CGGBP1: variants seen among roughly 807,000 people sequenced by gnomAD.
The protein encoded by CGGBP1 is CGG triplet repeat binding protein 1, also known as CGG triplet repeat-binding protein 1.
In CGGBP1, 4 loss-of-function variants were observed where a neutral mutation model predicts 11.4. The ratio of observed to expected loss-of-function variants is 0.35; its 90% CI spans 0.17 to 0.80. CGGBP1 has a LOEUF of 0.80. CGGBP1 is among the 30% of genes least tolerant of loss of function. The pLI, the probability that CGGBP1 is intolerant of heterozygous loss-of-function variation, is 0.52. For missense variants in CGGBP1, 135 were observed against 202.1 expected, an observed-to-expected ratio of 0.67 and a Z score of 2.01; for synonymous variants, 76 against 74.1, an observed-to-expected ratio of 1.03 and a Z score of -0.13.
intron 2 of CGGBP1, among the ~76,000 whole-genome samples, chr3:88,102,259 T>C (rs1258806789): frequency 6.6e-5 from 10 of 152,158 alleles, no homozygotes; most frequent in Admixed American, 4.6e-4. Context: ...CTCAAAAAAC[T>C]TTTTAGAAAC....
intron 2 of CGGBP1, among the ~76,000 whole-genome samples, chr3:88,067,223 G>A (rs769499828): frequency 2.0e-5 from 3 of 152,170 alleles, no homozygotes; most frequent in African/African-American, 7.2e-5. Context: ...GAAAAGATAC[G>A]CAATACTATA....
chr3:88,146,636 C>T (rs1226967065), intron 1 of CGGBP1, among the ~76,000 whole-genome samples: 1 of 152,086 alleles, frequency 6.6e-6, no homozygotes, highest in Admixed American at 6.6e-5. Context: ...GGTATGGCTC[C>T]CATACCCTGT....
chr3:88,100,925 G>A (rs187350418), intron 2 of CGGBP1, among the ~76,000 whole-genome samples: 5 of 152,220 alleles, frequency 3.3e-5, no homozygotes, highest in East Asian at 3.9e-4. Context: ...AAACCTGCAC[G>A]TTGTGCACAT....
intron 2 of CGGBP1, chr3:88,095,571 CAT>C: frequency 1.9e-6 from 1 of 520,094 alleles, no homozygotes; most frequent in East Asian, 5.6e-5. Flanking sequence ...TCATTAAAAA[CAT>C]AAATTGCCAC....
At chr3:88,145,414 G>A (rs540432065) in intron 1 of CGGBP1, among the ~76,000 whole-genome samples, 1 of 152,168 alleles carries the variant, frequency 6.6e-6, no homozygotes, top group South Asian at 2.1e-4. Flanking sequence ...CTAGAGCTGA[G>A]ATCTAAAATG....
intron 1 of CGGBP1, among the ~76,000 whole-genome samples, chr3:88,146,020 G>T (rs1237436800): frequency 6.6e-6 from 1 of 152,214 alleles, no homozygotes; most frequent in East Asian, 1.9e-4. Context: ...CATGGGGTCA[G>T]ATTTGCCTGA....
intron 2 of CGGBP1, among the ~76,000 whole-genome samples, chr3:88,131,416 G>T (rs374671250): frequency 1.1e-4 from 16 of 152,162 alleles, no homozygotes; most frequent in African/African-American, 3.9e-4. Flanking sequence ...TATGGGAATA[G>T]AAATGTTCTC....
intron 2 of CGGBP1, among the ~76,000 whole-genome samples, chr3:88,105,636 C>T (rs1386951416): frequency 6.6e-6 from 1 of 152,150 alleles, no homozygotes; most frequent in Non-Finnish European, 1.5e-5. Context: ...ATAACCTACC[C>T]ACAAAATCTG....
In CGGBP1 at chr3:88,055,322, G is replaced by GTT; in HGVS notation, c.*149_*150dup. 18 of 582,874 alleles carry GTT rather than the reference G, an allele frequency of 3.1e-5. No homozygotes were observed. The highest frequency in any genetic ancestry group is 9.7e-5 in the South Asian group (2 of 20,628). 36.1% of individuals were successfully genotyped at this position (582,874 alleles called of 1,614,324 possible). A position where few individuals can be genotyped will look rare whatever the true frequency, so the allele number is the denominator to read the frequency against. On this transcript the variant is annotated 3_prime_UTR_variant, in exon 4 of 4. Transcript: ENST00000482016. This position sits in a 1 kb window ranked among gnomAD's most constrained non-coding sequence, Gnocchi z 4.2. ...TAACAATAAGTTTTGCAGTGAGGTGGTTTTTTTTTTGCCTGCAACTATATA... is the reference window on the plus strand; with the variant it reads ...TAACAATAAGTTTTGCAGTGAGGTGGTTTTTTTTTTTTGCCTGCAACTATATA...
chr3:88,059,781 T>G (rs1706744881), upstream of CGGBP1, among the ~76,000 whole-genome samples: 1 of 152,076 alleles, frequency 6.6e-6, no homozygotes, highest in Non-Finnish European at 1.5e-5. Context: ...GAAAGCTCTG[T>G]CCTGACATGC....
At chr3:88,107,046 C>T (rs1277960919) in intron 2 of CGGBP1, among the ~76,000 whole-genome samples, 3 of 152,130 alleles carry the variant, frequency 2.0e-5, no homozygotes, top group Non-Finnish European at 4.4e-5. Context: ...TTTCATTTCT[C>T]TTGTTTCATG....
At chr3:88,076,224 T>C (rs1010864671) in intron 2 of CGGBP1, among the ~76,000 whole-genome samples, 1 of 152,224 alleles carries the variant, frequency 6.6e-6, no homozygotes, top group Non-Finnish European at 1.5e-5. Flanking sequence ...TTCTGCCTTT[T>C]AAAAAGCAAG....
intron 2 of CGGBP1, among the ~76,000 whole-genome samples, chr3:88,102,258 CTT>C (rs934521024): frequency 1.3e-5 from 2 of 152,086 alleles, no homozygotes; most frequent in African/African-American, 2.4e-5. Context: ...CCTCAAAAAA[CTT>C]TTTAGAAACC....
At chr3:88,062,829 G>T (rs1266056832), upstream of CGGBP1, among the ~76,000 whole-genome samples, 1 of 152,172 alleles carries the variant, frequency 6.6e-6, no homozygotes, top group African/African-American at 2.4e-5. Context: ...AGTATTGTAC[G>T]TAGCACACAG....
rs375273615 is a variant in CGGBP1, at chr3:88,107,194, T to C, written c.-229+33776A>G. On this transcript the variant is annotated intron_variant, in intron 2 of 3. Transcript: ENST00000462901. ...ATTGAGGTATACACTTTATATACTT[T>C]ATCTTCCTCCAGTAAAATGGCATTG... 2.0e-4 allele frequency among the ~76,000 whole-genome samples: 30 copies of C among 152,340 alleles called. No homozygotes were observed. The East Asian group carries it at 5.0e-3, about 25-fold the overall frequency.
chr3:88,065,049 C>A (rs1253626016), intron 2 of CGGBP1, among the ~76,000 whole-genome samples: 1 of 152,132 alleles, frequency 6.6e-6, no homozygotes, highest in Admixed American at 6.5e-5. Flanking sequence ...TCGATAATTG[C>A]ATTGATAAAT....
chr3:88,116,538 A>T (rs1434040235), intron 2 of CGGBP1, among the ~76,000 whole-genome samples: 2 of 97,862 alleles, frequency 2.0e-5, no homozygotes, highest in East Asian at 3.0e-4. Context: ...AGAAAAAAAA[A>T]TACATACATA....
intron 2 of CGGBP1, among the ~76,000 whole-genome samples, chr3:88,125,227 CAAAA>C (rs1233175146): frequency 6.8e-6 from 1 of 147,530 alleles, no homozygotes; most frequent in Non-Finnish European, 1.5e-5. Flanking sequence ...AAAAAAAAAA[CAAAA>C]AAACAAAAAA....
chr3:88,098,312 C>T (rs1230414267), intron 2 of CGGBP1, among the ~76,000 whole-genome samples: 1 of 152,178 alleles, frequency 6.6e-6, no homozygotes, highest in Non-Finnish European at 1.5e-5. Context: ...ACACCAATAA[C>T]AGGCTCTGAA....
Sources: gnomAD v4.1 joint callset for allele counts (sites outside exome capture counted in the v4.1 genomes callset) on GRCh38, gnomAD v4.1.1 for gene constraint, Gnocchi (gnomAD v3.1) non-coding constraint, MANE v1.5 for transcripts, NCBI Gene and HGNC (gene_info 2026-07-23, HGNC 2026-07-21) for gene names.